GLDN: variants seen among roughly 807,000 people sequenced by gnomAD.
GLDN encodes collomin.
A neutral mutation model predicts 56.5 loss-of-function variants in GLDN; 47 were observed. That is an observed-to-expected ratio of 0.83 (90% CI 0.66 to 1.06). The LOEUF is 1.06. GLDN is among the 50% of genes least tolerant of loss of function. The probability of loss-of-function intolerance (pLI) is 0.00; values close to 1 mark genes in which losing one functional copy is unlikely to be tolerated. For missense variants in GLDN, 782 were observed against 714.3 expected, an observed-to-expected ratio of 1.09 and a Z score of -1.08; for synonymous variants, 332 against 278.8, an observed-to-expected ratio of 1.19 and a Z score of -1.90.
intron 2 of GLDN, among the ~76,000 whole-genome samples, chr15:51,379,887 G>A (rs1001864): frequency 1.2e-4 from 18 of 152,210 alleles, no homozygotes; most frequent in Admixed American, 2.6e-4. Context: ...ACCTGTTTTG[G>A]TGTGAGTTTT....
chr15:51,348,960 G>A (rs112251010), intron 1 of GLDN, among the ~76,000 whole-genome samples: 99 of 152,174 alleles, frequency 6.5e-4, no homozygotes, highest in African/African-American at 2.3e-3. Context: ...GATTGAGGTC[G>A]ATGTGGTTTT....
intron 1 of GLDN, among the ~76,000 whole-genome samples, chr15:51,347,439 C>A (rs12592797): frequency 0.24 from 36,233 of 152,074 alleles, 6,652 homozygotes; most frequent in African/African-American, 0.51. Flanking sequence ...TTAGCTCATC[C>A]GTTATTGCTA....
In GLDN at chr15:51,404,492, C is replaced by T; in HGVS notation, c.1394C>T (p.Thr465Ile). Residue 465 changes from threonine to isoleucine, a missense_variant, in exon 10 of 10, where the codon ACC (threonine) becomes ATC (isoleucine). Coordinates refer to ENST00000335449, the MANE Select transcript of GLDN (RefSeq NM_181789.4). ...TTCTCAGTGGTGCAACACGTCAATA[C>T]CACGTACCCTAAATCCAAGGCTGGC... ...RTFSVVQHVNTTYPKSKAGNA... is the reference protein window; with the variant it reads ...RTFSVVQHVNITYPKSKAGNA... 1 of 1,614,100 alleles carries T rather than the reference C, an allele frequency of 6.2e-7. No homozygotes were observed. Among genetic ancestry groups the T allele is most frequent in the Non-Finnish European group, 8.5e-7 (1 of 1,180,004 alleles).
Position 51,402,576 on chromosome 15 carries a change from A to T in GLDN, c.1178+833A>T, listed in dbSNP as rs139285639. Among the ~76,000 whole-genome samples, 63 of 152,342 alleles carry T rather than the reference A, an allele frequency of 4.1e-4. 1 individual carries two copies. The highest frequency in any genetic ancestry group is 1.4e-3 in the African/African-American group (57 of 41,580). On this transcript the variant is annotated intron_variant, in intron 9 of 9. Transcript: ENST00000335449. The stretch of plus-strand genomic sequence containing the variant: ...TTCTAGCTCTTCCACTATCTGAAAC[A>T]GTAAACCCAGTATTATGAATGCCAC...
chr15:51,345,712 A>G (rs1273495380), intron 1 of GLDN, among the ~76,000 whole-genome samples: 1 of 152,226 alleles, frequency 6.6e-6, no homozygotes, highest in Non-Finnish European at 1.5e-5. Flanking sequence ...GATGCCCACT[A>G]TCACCAATAG....
At chr15:51,363,201 CATGGAG>C (rs890871687) in intron 1 of GLDN, among the ~76,000 whole-genome samples, 19 of 152,126 alleles carry the variant, frequency 1.2e-4, no homozygotes, top group African/African-American at 4.1e-4. Context: ...GTCAGGAAAT[CATGGAG>C]ATGCTAAGCA....
At chr15:51,381,876 G>C (rs888002833) in intron 2 of GLDN, among the ~76,000 whole-genome samples, 11 of 151,578 alleles carry the variant, frequency 7.3e-5, no homozygotes, top group African/African-American at 2.4e-4. Context: ...CAACGACAAA[G>C]AGGCTATCAA....
At chr15:51,362,694 T>C (rs1356462044) in intron 1 of GLDN, among the ~76,000 whole-genome samples, 1 of 152,096 alleles carries the variant, frequency 6.6e-6, no homozygotes, top group African/African-American at 2.4e-5. Flanking sequence ...TTCTCAATGA[T>C]GAGAATCTGG....
chr15:51,383,735 A>G (rs1247076947), intron 3 of GLDN, 50 bp from the exon 4 acceptor site: 2 of 1,157,366 alleles, frequency 1.7e-6, no homozygotes, highest in Non-Finnish European at 2.4e-6. Flanking sequence ...TCAGTGAATA[A>G]TTTTTTTTTT....
intron 4 of GLDN, among the ~76,000 whole-genome samples, chr15:51,391,505 T>G (rs1365448508): frequency 6.6e-6 from 1 of 152,220 alleles, no homozygotes; most frequent in Non-Finnish European, 1.5e-5. Flanking sequence ...CAGGCTGGAC[T>G]CTATGGCAAT....
In GLDN at chr15:51,341,869, A is replaced by G; in HGVS notation, c.185A>G (p.Asp62Gly). 1.9e-6 allele frequency: 3 copies of G among 1,558,086 alleles called. No homozygotes were observed. The South Asian group carries it at 3.4e-5, about 18-fold the overall frequency. Reference sequence around the variant, plus strand: ...CAGCGGGGCCGGGAGCAGCGCGAGGACAGTGCCCTGCGCTCCTTCCTGGCC... The same window carrying G: ...CAGCGGGGCCGGGAGCAGCGCGAGGGCAGTGCCCTGCGCTCCTTCCTGGCC... ...EAQRGREQREDSALRSFLAEL... is the reference protein window; with the variant it reads ...EAQRGREQREGSALRSFLAEL... Residue 62 changes from aspartate to glycine, a missense_variant, in exon 1 of 10, where the codon GAC becomes GGC. Transcript: ENST00000335449.
At chr15:51,364,578 C>T (rs2037364934) in intron 1 of GLDN, among the ~76,000 whole-genome samples, 2 of 152,104 alleles carry the variant, frequency 1.3e-5, no homozygotes, top group South Asian at 2.1e-4. Context: ...TTGTAGTTTT[C>T]ATTTTTAGAG....
chr15:51,348,608 A>G (rs967860115), intron 1 of GLDN, among the ~76,000 whole-genome samples: 2 of 152,144 alleles, frequency 1.3e-5, no homozygotes, highest in African/African-American at 4.8e-5. Context: ...TGCTGGAATT[A>G]TAGACATGAA....
downstream of GLDN, among the ~76,000 whole-genome samples, chr15:51,409,807 G>A (rs1281049375): frequency 6.6e-6 from 1 of 152,166 alleles, no homozygotes; most frequent in African/African-American, 2.4e-5. Flanking sequence ...CACTGTTCCT[G>A]ACTTTATGTT....
chr15:51,355,315 T>C (rs1247894512), intron 1 of GLDN, among the ~76,000 whole-genome samples: 5 of 152,114 alleles, frequency 3.3e-5, no homozygotes, highest in Admixed American at 3.3e-4. Context: ...GAACTGAGGG[T>C]TCCTCTTCCT....
intron 1 of GLDN, among the ~76,000 whole-genome samples, chr15:51,359,197 C>A (rs1466657771): frequency 6.6e-6 from 1 of 152,218 alleles, no homozygotes. Flanking sequence ...AGCACGAGTG[C>A]ATGTCCCTTT....
chr15:51,387,005 C>A (rs544991830), intron 4 of GLDN, among the ~76,000 whole-genome samples: 6 of 152,018 alleles, frequency 3.9e-5, no homozygotes, highest in African/African-American at 1.5e-4. Context: ...TCAAAAGAGG[C>A]CTGGGGTGAG....
chr15:51,402,437 G>T (rs2038275197), intron 9 of GLDN, among the ~76,000 whole-genome samples: 1 of 152,238 alleles, frequency 6.6e-6, no homozygotes, highest in South Asian at 2.1e-4. Context: ...CAGGACACCT[G>T]GTTTCTGGCT....
chr15:51,358,873 A>G (rs529878093), intron 1 of GLDN, among the ~76,000 whole-genome samples: 6 of 152,260 alleles, frequency 3.9e-5, no homozygotes, highest in African/African-American at 1.2e-4. Flanking sequence ...TAACTATAAT[A>G]CCGTCCTACA....
Sources: allele counts gnomAD v4.1 joint callset (sites outside exome capture counted in the v4.1 genomes callset), GRCh38; gene constraint gnomAD v4.1.1; transcripts MANE v1.5; gene names NCBI Gene and HGNC (gene_info 2026-07-23, HGNC 2026-07-21).